Variants in AFF3 observed in about 807,000 individuals in gnomAD.
The protein encoded by AFF3 is AF4/FMR2 family member 3.
AFF3 carries 32 observed loss-of-function variants against 129.7 expected under a neutral mutation model. The ratio of observed to expected loss-of-function variants is 0.25; its 90% CI spans 0.19 to 0.33. The LOEUF (loss-of-function observed/expected upper bound fraction) is 0.33. Ranked by LOEUF, AFF3 falls within the 10% of genes least tolerant of loss-of-function variation. The pLI is 1.00. For missense variants in AFF3, 1,373 were observed against 1,592.0 expected (o/e 0.86, Z 2.34); for synonymous variants, 644 against 635.4 (o/e 1.01, Z -0.20).
Position 99,812,506 on chromosome 2 carries a change from C to T in AFF3, c.921+24971G>A, listed in dbSNP as rs141839266. ...CCCCAAATTCTCACGTACACGGCAT[C>T]GTCCATGACTCTGACAGTCATATTG... On this transcript the variant is annotated intron_variant, in intron 8 of 24. Coordinates refer to ENST00000672756, the MANE Select transcript of AFF3 (RefSeq NM_001386135.1). Among the ~76,000 whole-genome samples the T allele has an allele frequency of 5.3e-3, 806 of 152,270 alleles. 4 individuals carry two copies. The highest frequency in any genetic ancestry group is 9.4e-3 in the Non-Finnish European group (637 of 68,012).
chr2:99,932,493 G>C (rs1303626156), intron 7 of AFF3, among the ~76,000 whole-genome samples: 1 of 152,182 alleles, frequency 6.6e-6, no homozygotes, highest in African/African-American at 2.4e-5. Flanking sequence ...CCGCTCCACA[G>C]GGGCCATCAG....
At chr2:99,585,840 G>A (rs1011112960) in intron 16 of AFF3, among the ~76,000 whole-genome samples, 3 of 151,934 alleles carry the variant, frequency 2.0e-5, no homozygotes, top group Non-Finnish European at 4.4e-5. Context: ...GCGATTCTCT[G>A]GCCTCAGCCT....
chr2:99,890,661 G>GT (rs1161823782), intron 7 of AFF3, among the ~76,000 whole-genome samples: 22 of 152,156 alleles, frequency 1.4e-4, no homozygotes, highest in Admixed American at 1.4e-3. Context: ...CTACCCCTCC[G>GT]TGCCCCTGTC....
At chr2:99,554,238 GGAGGCC>G in intron 24 of AFF3, 67 bp downstream of exon 24, 1 of 1,518,204 alleles carries the variant, frequency 6.6e-7, no homozygotes, top group Non-Finnish European at 9.1e-7. Flanking sequence ...CAGCTACTCA[GGAGGCC>G]GAGGCAGAAG....
intron 11 of AFF3, among the ~76,000 whole-genome samples, chr2:99,717,167 T>C (rs1678476854): frequency 6.6e-6 from 1 of 152,222 alleles, no homozygotes; most frequent in Non-Finnish European, 1.5e-5. Flanking sequence ...TTTTGCACAG[T>C]TATGAATCAA....
At chr2:100,121,531 A>G (rs190871544) in intron 2 of AFF3, among the ~76,000 whole-genome samples, 5 of 152,352 alleles carry the variant, frequency 3.3e-5, no homozygotes, top group Non-Finnish European at 5.9e-5. Context: ...GAAGTGCTCA[A>G]TGAATGCTTG....
chr2:99,560,521 T>A, intron 20 of AFF3, 85 bp from the exon 21 acceptor site: 4 of 1,247,984 alleles, frequency 3.2e-6, no homozygotes, highest in African/African-American at 1.5e-5. Context: ...TAACAGAACT[T>A]CTATGATGGT....
At chr2:100,005,691 A>T (rs1194506820) in intron 7 of AFF3, among the ~76,000 whole-genome samples, 2 of 152,246 alleles carry the variant, frequency 1.3e-5, no homozygotes, top group Admixed American at 6.5e-5. Context: ...CTCATAGATT[A>T]AAAAAGAAGT....
intron 7 of AFF3, among the ~76,000 whole-genome samples, chr2:99,982,275 G>A (rs775801898): frequency 7.9e-5 from 12 of 152,142 alleles, no homozygotes; most frequent in Non-Finnish European, 1.6e-4. Flanking sequence ...TGCCGTTCTC[G>A]TGATAGTGCA....
chr2:99,952,441 C>T (rs996386197), intron 7 of AFF3, among the ~76,000 whole-genome samples: 2 of 152,012 alleles, frequency 1.3e-5, no homozygotes, highest in African/African-American at 2.4e-5. Flanking sequence ...TACAGCAATG[C>T]GAAAATGGAC....
At chr2:99,936,050 T>A (rs28425639) in intron 7 of AFF3, among the ~76,000 whole-genome samples, 18,166 of 152,078 alleles carry the variant, frequency 0.12, 1,233 homozygotes, top group Non-Finnish European at 0.13. Flanking sequence ...CATAAATCTT[T>A]AAAAAAATCT....
chr2:99,636,668 G>A (rs1366418299), intron 13 of AFF3, among the ~76,000 whole-genome samples: 3 of 152,222 alleles, frequency 2.0e-5, no homozygotes, highest in Non-Finnish European at 4.4e-5. Flanking sequence ...GGCGAGGGCA[G>A]AGGCAGATGC....
At chr2:99,765,931 T>G (rs1682970995) in intron 8 of AFF3, among the ~76,000 whole-genome samples, 1 of 152,234 alleles carries the variant, frequency 6.6e-6, no homozygotes, top group East Asian at 1.9e-4. Context: ...GGGTCTGGAA[T>G]TTTTCTTCAA....
chr2:99,912,754 A>G (rs1695189601), intron 7 of AFF3, among the ~76,000 whole-genome samples: 1 of 152,212 alleles, frequency 6.6e-6, no homozygotes, highest in South Asian at 2.1e-4. Context: ...TCTATTAGGG[A>G]TTGATTTTTG....
chr2:99,712,077 T>C (rs1227937208), intron 11 of AFF3, among the ~76,000 whole-genome samples: 2 of 152,194 alleles, frequency 1.3e-5, no homozygotes, highest in Non-Finnish European at 2.9e-5. Context: ...AAACCATTGC[T>C]TATGTGGTCT....
At chr2:99,733,045 C>G (rs529625951) in intron 10 of AFF3, among the ~76,000 whole-genome samples, 136 of 152,036 alleles carry the variant, frequency 8.9e-4, no homozygotes, top group Middle Eastern at 3.4e-3. Flanking sequence ...AAGAGTCATA[C>G]ATATAGTCGT....
intron 4 of AFF3, among the ~76,000 whole-genome samples, chr2:100,052,171 ATT>A (rs769923753): frequency 1.3e-5 from 2 of 152,288 alleles, no homozygotes; most frequent in South Asian, 4.1e-4. Context: ...TATGAATTAA[ATT>A]TGTTTTACCA....
chr2:99,574,845 C>G (rs1157946283), intron 18 of AFF3, among the ~76,000 whole-genome samples: 2 of 152,280 alleles, frequency 1.3e-5, no homozygotes, highest in South Asian at 2.1e-4. Context: ...CTGGTGGCCT[C>G]TCTTTGGTCA....
chr2:100,025,304 C>CA (rs558217214), intron 4 of AFF3, among the ~76,000 whole-genome samples: 10 of 149,476 alleles, frequency 6.7e-5, no homozygotes, highest in South Asian at 2.1e-4. Context: ...ACAATAGCTG[C>CA]AAAAAAAAAG....
Sources: allele counts gnomAD v4.1 joint callset (sites outside exome capture counted in the v4.1 genomes callset), GRCh38; gene constraint gnomAD v4.1.1; transcripts MANE v1.5; gene names NCBI Gene and HGNC (gene_info 2026-07-23, HGNC 2026-07-21).